Variants in CTNNA3 observed in about 807,000 individuals in gnomAD.
CTNNA3 encodes the protein catenin alpha 3, also known as catenin alpha-3.
A neutral mutation model predicts 95.7 loss-of-function variants in CTNNA3; 76 were observed. The ratio of observed to expected loss-of-function variants is 0.79; its 90% CI spans 0.66 to 0.96. CTNNA3 has a LOEUF of 0.96. CTNNA3 is among the 40% of genes least tolerant of loss of function. The pLI is 0.00. For missense variants in CTNNA3, 1,191 were observed against 1,089.8 expected (o/e 1.09, Z -1.31); for synonymous variants, 431 against 374.4 (o/e 1.15, Z -1.74).
At chr10:66,521,096 TTCA>T (rs1208277829) in intron 10 of CTNNA3, among the ~76,000 whole-genome samples, 3 of 151,370 alleles carry the variant, frequency 2.0e-5, no homozygotes, top group Non-Finnish European at 4.4e-5. Flanking sequence ...GTTAAATACA[TTCA>T]TCATCGACAA....
In CTNNA3 at chr10:66,785,893, C is replaced by G. The variant is rs186284872; in HGVS notation, c.1048-10369G>C. Among the ~76,000 whole-genome samples, 1,134 of 152,238 alleles carry G rather than the reference C, an allele frequency of 7.4e-3. 14 individuals are homozygous for G. Among genetic ancestry groups the G allele is most frequent in the African/African-American group, 0.025 (1,032 of 41,544 alleles). ...TTCACCACACTCTCTTCCCCCAACCCCCAGATATCACAAAAATTGTTCCAT... is the reference window on the plus strand; with the variant it reads ...TTCACCACACTCTCTTCCCCCAACCGCCAGATATCACAAAAATTGTTCCAT... On this transcript the variant is annotated intron_variant, in intron 7 of 17. Transcript: ENST00000433211.
At chr10:67,336,586 C>T (rs1842004036) in intron 5 of CTNNA3, among the ~76,000 whole-genome samples, 1 of 152,126 alleles carries the variant, frequency 6.6e-6, no homozygotes, top group Non-Finnish European at 1.5e-5. Flanking sequence ...GACAAAACAC[C>T]CTTTTAGTAG....
At chr10:66,490,500 T>C (rs147351501) in intron 11 of CTNNA3, among the ~76,000 whole-genome samples, 1 of 152,324 alleles carries the variant, frequency 6.6e-6, no homozygotes, top group South Asian at 2.1e-4. Flanking sequence ...TGCATGAGCT[T>C]ATTTTTCTAT....
rs61866218 is a variant in CTNNA3, at chr10:66,981,824, G to C, written c.1047+198493C>G. ...CAACGACTTAAGAAGTGAGGACATC[G>C]AGCACATTGCATCATCTTCCTGCTG... On this transcript the variant is annotated intron_variant, in intron 7 of 17. Coordinates refer to ENST00000433211, the MANE Select transcript of CTNNA3 (RefSeq NM_013266.4). Among the ~76,000 whole-genome samples the C allele has an allele frequency of 7.5e-3, 1,146 of 152,290 alleles. 6 individuals carry two copies. Among genetic ancestry groups the C allele is most frequent in the Non-Finnish European group, 0.012 (819 of 68,008 alleles).
In CTNNA3 at chr10:66,494,276, G is replaced by A. The variant is rs1840030458; in HGVS notation, c.1531+26341C>T. 2.0e-5 allele frequency among the ~76,000 whole-genome samples: 3 copies of A among 152,104 alleles called. No individual in the cohort carries two copies. In the South Asian group the frequency reaches 6.2e-4, roughly 32 times the overall value. ...TGAAGACATAATTTGTTGCTCAATAGAAATCCAGCATTTTAAAAATCCAGA... is the reference window on the plus strand; with the variant it reads ...TGAAGACATAATTTGTTGCTCAATAAAAATCCAGCATTTTAAAAATCCAGA... On this transcript the variant is annotated intron_variant, in intron 11 of 17. Transcript: ENST00000433211.
chr10:67,203,208 T>A (rs1863724935), intron 6 of CTNNA3, among the ~76,000 whole-genome samples: 1 of 152,228 alleles, frequency 6.6e-6, no homozygotes, highest in South Asian at 2.1e-4. Context: ...CAAGTGAAGA[T>A]AAATGAATCA....
At chr10:66,454,096 G>A (rs2093481019) in intron 11 of CTNNA3, among the ~76,000 whole-genome samples, 1 of 152,122 alleles carries the variant, frequency 6.6e-6, no homozygotes, top group South Asian at 2.1e-4. Flanking sequence ...TTGGATGATG[G>A]AGGAAAGAGG....
chr10:65,975,132 G>A (rs181824424), intron 16 of CTNNA3, among the ~76,000 whole-genome samples: 18 of 152,024 alleles, frequency 1.2e-4, no homozygotes, highest in Non-Finnish European at 2.6e-4. Flanking sequence ...AGTCAAAGTC[G>A]ATAATAATCA....
chr10:67,727,033 A>AAT (rs1012945764), intron 1 of CTNNA3, among the ~76,000 whole-genome samples: 1 of 116,710 alleles, frequency 8.6e-6, no homozygotes, highest in African/African-American at 3.5e-5. Flanking sequence ...AATTATATAT[A>AAT]ATATATGATA....
At chr10:66,978,147 C>T (rs1361229662) in intron 7 of CTNNA3, among the ~76,000 whole-genome samples, 1 of 151,760 alleles carries the variant, frequency 6.6e-6, no homozygotes, top group Non-Finnish European at 1.5e-5. Flanking sequence ...TGGGGAGTTG[C>T]TATTCAATAG....
chr10:66,116,975 A>G (rs80197068), intron 13 of CTNNA3, among the ~76,000 whole-genome samples: 2,152 of 152,250 alleles, frequency 0.014, 63 homozygotes, highest in African/African-American at 0.049. Flanking sequence ...TGTGGATTAC[A>G]ATTCAACATG....
intron 13 of CTNNA3, among the ~76,000 whole-genome samples, chr10:66,195,359 GA>G (rs1358695813): frequency 6.6e-6 from 1 of 152,074 alleles, no homozygotes; most frequent in Non-Finnish European, 1.5e-5. Flanking sequence ...AATAGGAAAG[GA>G]AAGATTAAAA....
intron 13 of CTNNA3, among the ~76,000 whole-genome samples, chr10:66,231,348 G>A (rs2089579649): frequency 6.6e-6 from 1 of 151,906 alleles, no homozygotes. Flanking sequence ...GAGGGTTTTT[G>A]ATATTTCGTA....
At chr10:66,619,409 T>G (rs542450821) in intron 10 of CTNNA3, among the ~76,000 whole-genome samples, 1 of 129,452 alleles carries the variant, frequency 7.7e-6, no homozygotes, top group African/African-American at 2.6e-5. Context: ...ATGTCCTTTG[T>G]AGGGACGTGG....
intron 4 of CTNNA3, among the ~76,000 whole-genome samples, chr10:67,534,224 A>T (rs1010120147): frequency 2.0e-5 from 3 of 152,082 alleles, no homozygotes; most frequent in Non-Finnish European, 4.4e-5. Flanking sequence ...TTTAAAGTGG[A>T]TACCCTCCTC....
At position 67,646,626 on chromosome 10, in the gene CTNNA3, T is replaced by G. The variant is rs191939468; in HGVS notation, c.99+789A>C. ...AAAGATAAGCAGAACATATTTAAAT[T>G]ATCTGAGGAAAGGTCGGCATAGTTT... On this transcript the variant is annotated intron_variant, in intron 2 of 17. Transcript: ENST00000433211. Among the ~76,000 whole-genome samples, 219 of 152,164 alleles carry G rather than the reference T, an allele frequency of 1.4e-3. 3 individuals carry two copies. Among genetic ancestry groups the G allele is most frequent in the African/African-American group, 5.1e-3 (212 of 41,526 alleles).
At chr10:66,210,898 G>A (rs755890747) in intron 13 of CTNNA3, among the ~76,000 whole-genome samples, 11 of 152,118 alleles carry the variant, frequency 7.2e-5, no homozygotes, top group African/African-American at 1.2e-4. Context: ...CATATAGAAA[G>A]CCACAGTTCT....
chr10:66,690,780 C>T (rs1244453508), intron 9 of CTNNA3, among the ~76,000 whole-genome samples: 1 of 151,978 alleles, frequency 6.6e-6, no homozygotes, highest in Admixed American at 6.6e-5. Context: ...CCGCAATAAA[C>T]ATACATGTGC....
At chr10:66,450,059 A>G (rs1486933179) in intron 11 of CTNNA3, among the ~76,000 whole-genome samples, 3 of 152,054 alleles carry the variant, frequency 2.0e-5, no homozygotes, top group South Asian at 2.1e-4. Context: ...ACTGACCTTC[A>G]AAAAGTGAAA....
Sources: gnomAD v4.1 joint callset for allele counts (sites outside exome capture counted in the v4.1 genomes callset) on GRCh38, gnomAD v4.1.1 for gene constraint, MANE v1.5 for transcripts, NCBI Gene and HGNC (gene_info 2026-07-23, HGNC 2026-07-21) for gene names.